CSRP3: variants seen among roughly 807,000 people sequenced by gnomAD.
The protein encoded by CSRP3 is cysteine and glycine rich protein 3, also known as cysteine and glycine-rich protein 3.
CSRP3 carries 24 observed loss-of-function variants against 24.3 expected under a neutral mutation model. The observed-to-expected ratio is 0.99, with a 90% CI of 0.71 to 1.39. The LOEUF (loss-of-function observed/expected upper bound fraction) is 1.39, where lower values mean the gene tolerates loss of function less well. CSRP3 is among the 40% of genes most tolerant of loss of function. CSRP3 has a pLI of 0.00. For missense variants in CSRP3, 240 were observed against 249.0 expected (o/e 0.96, Z 0.24); for synonymous variants, 105 against 94.0 (o/e 1.12, Z -0.68).
intron 1 of CSRP3, 39 bp from the exon 2 acceptor site, chr11:19,192,515 C>T (rs764499437): frequency 1.5e-6 from 2 of 1,293,616 alleles, no homozygotes; most frequent in Non-Finnish European, 2.2e-6. Flanking sequence ...ATTGAAGTGG[C>T]CCCAGGAGTG....
rs938661516 is a variant in CSRP3 at position 19,201,791 on chromosome 11, C to T, written c.-29+163G>A. On this transcript the variant is annotated intron_variant, in intron 1 of 5. Transcript: ENST00000265968. The stretch of plus-strand genomic sequence containing the variant: ...GGAATTTTTTAATACCTGCTAGATC[C>T]ACACCAGAGTCAAGTACAACTTGAG... Among the ~76,000 whole-genome samples the T allele has an allele frequency of 4.6e-5, 7 of 151,846 alleles. No individual in the cohort carries two copies. The East Asian group carries it at 1.4e-3, about 29-fold the overall frequency.
At chr11:19,186,826 G>A (rs1485764616) in intron 3 of CSRP3, among the ~76,000 whole-genome samples, 1 of 152,238 alleles carries the variant, frequency 6.6e-6, no homozygotes, top group African/African-American at 2.4e-5. Flanking sequence ...ATGAGCTGAT[G>A]CATTCCTTAT....
chr11:19,188,638 G>GTGTGTGTC (rs1850569813), intron 2 of CSRP3, among the ~76,000 whole-genome samples: 1 of 151,706 alleles, frequency 6.6e-6, no homozygotes, highest in African/African-American at 2.4e-5. Context: ...GTGTGTGTGT[G>GTGTGTGTC]TGTGTGTGTG....
At chr11:19,195,568 T>A (rs766089999) in intron 1 of CSRP3, among the ~76,000 whole-genome samples, 4 of 152,234 alleles carry the variant, frequency 2.6e-5, no homozygotes, top group Non-Finnish European at 4.4e-5. Context: ...TATAGAAATT[T>A]TCAATGAAAA....
intron 1 of CSRP3, among the ~76,000 whole-genome samples, chr11:19,195,588 G>A (rs934435178): frequency 2.0e-5 from 3 of 152,066 alleles, no homozygotes; most frequent in African/African-American, 7.2e-5. Context: ...ACAACCTTAG[G>A]TCAAATTTCT....
intron 2 of CSRP3, among the ~76,000 whole-genome samples, chr11:19,189,690 G>T (rs1015839667): frequency 1.3e-5 from 2 of 152,128 alleles, no homozygotes; most frequent in Non-Finnish European, 1.5e-5. Flanking sequence ...GATGAGTGTG[G>T]GGCAAGGGAG....
Position 19,188,662 on chromosome 11 carries a change from G to A in CSRP3, c.113-358C>T, listed in dbSNP as rs144277158. ...TGTGTGTGTGTGTGTTTGTGGGCGC[G>A]CGCGTTGGCAGGGGGTGGGTTAAGG... is the stretch of plus-strand genomic sequence containing the variant. On this transcript the variant is annotated intron_variant, in intron 2 of 5. Transcript: ENST00000265968. Among the ~76,000 whole-genome samples the A allele has an allele frequency of 8.0e-3, 1,216 of 151,422 alleles. 8 individuals are homozygous for A. The highest frequency in any genetic ancestry group is 0.013 in the Non-Finnish European group (872 of 67,682).
At chr11:19,187,106 T>C (rs1224427336) in intron 3 of CSRP3, among the ~76,000 whole-genome samples, 3 of 152,206 alleles carry the variant, frequency 2.0e-5, no homozygotes, top group Non-Finnish European at 4.4e-5. Context: ...TTACTCTTTG[T>C]GCAGCATCAC....
At chr11:19,195,580 A>G (rs1256667463) in intron 1 of CSRP3, among the ~76,000 whole-genome samples, 2 of 152,238 alleles carry the variant, frequency 1.3e-5, no homozygotes, top group Non-Finnish European at 2.9e-5. Flanking sequence ...CAATGAAAAC[A>G]ACCTTAGGTC....
intron 4 of CSRP3, among the ~76,000 whole-genome samples, chr11:19,185,758 G>A (rs1317109826): frequency 6.6e-6 from 1 of 152,194 alleles, no homozygotes; most frequent in African/African-American, 2.4e-5. Flanking sequence ...ATGCATGAGT[G>A]TCTCGGACAT....
At chr11:19,190,339 C>T (rs1850594759) in intron 2 of CSRP3, among the ~76,000 whole-genome samples, 1 of 152,184 alleles carries the variant, frequency 6.6e-6, no homozygotes, top group Non-Finnish European at 1.5e-5. Context: ...TGGCCACAGC[C>T]ACATGCTGTG....
chr11:19,197,528 T>TTTCTTTCC, intron 1 of CSRP3, among the ~76,000 whole-genome samples: 1 of 130,608 alleles, frequency 7.7e-6, no homozygotes, highest in African/African-American at 3.0e-5. Context: ...TCTTTCTTTC[T>TTTCTTTCC]TTCTTTCTTT....
rs746150722 is a variant in CSRP3, at chr11:19,184,971, A to G, written c.489T>C (p.Asp163=). The stretch of plus-strand genomic sequence containing the variant: ...ACTCACCTTTGCAATAAAGTTCCCC[A>G]TCTTTGTCAGTGACATTTGTGGACT... The part of the protein sequence containing the change: ...SLESTNVTDK[D]GELYCKVCYA... The change falls in exon 5 of 6, where the codon GAT becomes GAC. Residue 163 remains aspartate, a synonymous_variant. Coordinates refer to ENST00000265968, the MANE Select transcript of CSRP3 (RefSeq NM_003476.5). 1.9e-6 allele frequency: 3 copies of G among 1,613,676 alleles called. No homozygotes were observed. Among genetic ancestry groups the G allele is most frequent in the Non-Finnish European group, 2.5e-6 (3 of 1,179,506 alleles).
At chr11:19,196,074 C>A (rs1048921911) in intron 1 of CSRP3, among the ~76,000 whole-genome samples, 5 of 152,130 alleles carry the variant, frequency 3.3e-5, no homozygotes, top group African/African-American at 1.2e-4. Context: ...AACATCCTGG[C>A]CAGCATGGTG....
chr11:19,197,915 T>C (rs1850768658), intron 1 of CSRP3, among the ~76,000 whole-genome samples: 1 of 152,106 alleles, frequency 6.6e-6, no homozygotes, highest in Non-Finnish European at 1.5e-5. Flanking sequence ...TGCCCTTGGG[T>C]ATCGTTTAAT....
At chr11:19,192,636 A>C (rs1317353323) in intron 1 of CSRP3, among the ~76,000 whole-genome samples, 160 bp from the exon 2 acceptor site, 5 of 152,188 alleles carry the variant, frequency 3.3e-5, no homozygotes, top group Non-Finnish European at 7.3e-5. Context: ...CTAGTCATTA[A>C]ATAAGCTCAG....
At chr11:19,188,613 A>AGTGTGTGTGT (rs138192808) in intron 2 of CSRP3, among the ~76,000 whole-genome samples, 1,862 of 140,910 alleles carry the variant, frequency 0.013, 12 homozygotes, top group Non-Finnish European at 0.017. Flanking sequence ...ACATCAGGGA[A>AGTGTGTGTGT]GTGTGTGTGT....
At position 19,182,604 on chromosome 11, in the gene CSRP3, G is replaced by C. The variant is rs1488636156; in HGVS notation, c.*66C>G. 1.6e-6 allele frequency: 2 copies of C among 1,269,206 alleles called. No individual in the cohort carries two copies. The highest frequency in any genetic ancestry group is 2.3e-6 in the Non-Finnish European group (2 of 865,068). 78.6% of individuals were successfully genotyped at this position (1,269,206 alleles called of 1,614,324 possible). ...GAGAGGCTATTTGGGGAAAGGTATC[G>C]ATCTGTGCAGGATTACTTGGCAAGT... On this transcript the variant is annotated 3_prime_UTR_variant, in exon 6 of 6. Transcript: ENST00000265968.
intron 3 of CSRP3, 36 bp from the exon 4 acceptor site, chr11:19,186,384 T>A (rs1306332309): frequency 6.2e-7 from 1 of 1,614,088 alleles, no homozygotes; most frequent in Admixed American, 1.7e-5. Context: ...AACGTAGATT[T>A]CCCTTGGCAA....
Sources: gnomAD v4.1 joint callset for allele counts (sites outside exome capture counted in the v4.1 genomes callset) on GRCh38, gnomAD v4.1.1 for gene constraint, MANE v1.5 for transcripts, NCBI Gene and HGNC (gene_info 2026-07-23, HGNC 2026-07-21) for gene names.